ATP10D: variants seen among roughly 807,000 people sequenced by gnomAD.
ATP10D encodes the protein ATPase phospholipid transporting 10D (putative), also known as phospholipid-transporting ATPase VD.
In ATP10D, 89 loss-of-function variants were observed where a neutral mutation model predicts 144.8. The observed-to-expected ratio is 0.61, with a 90% CI of 0.52 to 0.73. ATP10D has a LOEUF of 0.73. Ranked by LOEUF, ATP10D falls within the 30% of genes least tolerant of loss-of-function variation. ATP10D has a pLI of 0.00. For missense variants in ATP10D, 1,603 were observed against 1,714.8 expected, an observed-to-expected ratio of 0.93 and a Z score of 1.15; for synonymous variants, 571 against 615.1, an observed-to-expected ratio of 0.93 and a Z score of 1.06.
intron 21 of ATP10D, among the ~76,000 whole-genome samples, chr4:47,585,760 G>A (rs994167012): frequency 6.7e-6 from 1 of 150,050 alleles, no homozygotes; most frequent in Admixed American, 6.6e-5. Flanking sequence ...GTCTTTCTGT[G>A]CCTGCCTTAT....
chr4:47,588,888 A>C (rs140065441), intron 22 of ATP10D, among the ~76,000 whole-genome samples: 147 of 152,322 alleles, frequency 9.7e-4, no homozygotes, highest in African/African-American at 3.4e-3. Context: ...GTATGCTAAA[A>C]AATGACTCCC....
At chr4:47,523,351 T>G in intron 4 of ATP10D, 135 bp downstream of exon 4, 1 of 736,594 alleles carries the variant, frequency 1.4e-6, no homozygotes, top group South Asian at 1.8e-5. Flanking sequence ...GAAGGTTTCA[T>G]TCACTTCCAG....
rs1022160786 is a variant in ATP10D, at chr4:47,536,826, T to C, written c.1284T>C (p.Asp428=). 4 of 1,613,186 alleles carry C rather than the reference T, an allele frequency of 2.5e-6. No homozygotes were observed. The highest frequency in any genetic ancestry group is 2.7e-5 in the African/African-American group (2 of 74,864). ...GCCGAGCCCTGAACATCGCCGAGGA[T>C]CTGGGACAGATTCAGTACCTCTTTT... ...VQCRALNIAE[D]LGQIQYLFSD... Residue 428 remains aspartate, a synonymous_variant, in exon 9 of 23, where the codon GAT becomes GAC. Coordinates refer to ENST00000273859, the MANE Select transcript of ATP10D (RefSeq NM_020453.4).
intron 5 of ATP10D, among the ~76,000 whole-genome samples, chr4:47,529,099 AC>A (rs1187699486): frequency 6.6e-6 from 1 of 151,618 alleles, no homozygotes; most frequent in Non-Finnish European, 1.5e-5. Context: ...TTGTCTGTTT[AC>A]TCTCTTGATT....
At chr4:47,491,540 C>T in intron 1 of ATP10D, 1 of 462,862 alleles carries the variant, frequency 2.2e-6, no homozygotes, top group Non-Finnish European at 3.9e-6. Flanking sequence ...TATCATATCA[C>T]AGTCTTCTCA....
intron 5 of ATP10D, among the ~76,000 whole-genome samples, chr4:47,532,934 G>A (rs1487853510): frequency 6.6e-6 from 1 of 152,156 alleles, no homozygotes; most frequent in East Asian, 1.9e-4. Flanking sequence ...GAAGCTGTAT[G>A]TGACAGCCAG....
At position 47,558,150 on chromosome 4, in the gene ATP10D, C is replaced by T. The variant is rs1012032831; in HGVS notation, c.2311C>T (p.Pro771Ser). 3 of 1,614,068 alleles carry T rather than the reference C, an allele frequency of 1.9e-6. No individual in the cohort carries two copies. Among genetic ancestry groups the T allele is most frequent in the African/African-American group, 2.7e-5 (2 of 74,918 alleles). Residue 771 changes from proline to serine, a missense_variant, in exon 12 of 23, where the codon CCC becomes TCC. Transcript: ENST00000273859. ...PLTFQLLHILPFDSVRKRMSV... is the reference protein window; with the variant it reads ...PLTFQLLHILSFDSVRKRMSV... ...AACATTTCAACTCCTACACATCCTG[C>T]CCTTTGACTCAGTAAGAAAAAGAAT...
At chr4:47,529,856 C>T (rs1001154062) in intron 5 of ATP10D, among the ~76,000 whole-genome samples, 2 of 152,048 alleles carry the variant, frequency 1.3e-5, no homozygotes, top group Non-Finnish European at 1.5e-5. Context: ...AGATCTTTCA[C>T]CTCCTTGGTT....
At chr4:47,573,048 T>C (rs1720048878) in intron 18 of ATP10D, 51 bp downstream of exon 18, 2 of 1,594,304 alleles carry the variant, frequency 1.3e-6, no homozygotes, top group Admixed American at 1.7e-5. Context: ...CTTCCAAGAC[T>C]GTTGCATCAG....
chr4:47,519,993 G>A (rs1470954170), intron 3 of ATP10D, among the ~76,000 whole-genome samples: 3 of 152,176 alleles, frequency 2.0e-5, no homozygotes, highest in Admixed American at 1.3e-4. Flanking sequence ...TTAAATCTTG[G>A]TACATGCTAC....
At chr4:47,564,420 CCTGGTA>C (rs1170681503) in intron 15 of ATP10D, among the ~76,000 whole-genome samples, 2 of 151,826 alleles carry the variant, frequency 1.3e-5, no homozygotes, top group African/African-American at 4.8e-5. Flanking sequence ...TATATCAAGT[CCTGGTA>C]CAGGAATCTA....
At chr4:47,549,133 T>C (rs1577673243) in intron 10 of ATP10D, among the ~76,000 whole-genome samples, 1 of 152,240 alleles carries the variant, frequency 6.6e-6, no homozygotes, top group Admixed American at 6.5e-5. Flanking sequence ...ATTTTAGAAA[T>C]AGAAACCTCT....
At chr4:47,542,546 T>G (rs778594537) in intron 9 of ATP10D, among the ~76,000 whole-genome samples, 7 of 152,202 alleles carry the variant, frequency 4.6e-5, no homozygotes, top group Non-Finnish European at 1.0e-4. Flanking sequence ...GGTGCGATCT[T>G]GGCTCACTGC....
intron 16 of ATP10D, among the ~76,000 whole-genome samples, chr4:47,569,912 G>A (rs193024276): frequency 2.6e-4 from 40 of 152,220 alleles, no homozygotes; most frequent in Middle Eastern, 3.4e-3. Flanking sequence ...TTGGTGTGTC[G>A]GAGGACAAAG....
chr4:47,557,935 A>G lies in ATP10D; in HGVS notation c.2096A>G (p.His699Arg), dbSNP rs968849661. The G allele has an allele frequency of 1.9e-5, 30 of 1,614,060 alleles. No homozygotes were observed. The highest frequency in any genetic ancestry group is 3.3e-5 in the Admixed American group (2 of 60,002). Residue 699 changes from histidine to arginine, a missense_variant, in exon 12 of 23, where the codon CAC (histidine) becomes CGC (arginine). Physicochemically the swap from His to Arg is conservative, Grantham distance 29. Transcript: ENST00000273859. ...TGCTGCACAGAAACAGAGAAACAAC[A>G]CGGTGATGCAGGCCTCCTGAATGGC... Reference protein sequence around the residue: ...SACCTETEKQHGDAGLLNGKA... With the variant: ...SACCTETEKQRGDAGLLNGKA...
chr4:47,550,598 G>A (rs1397499890), intron 10 of ATP10D, among the ~76,000 whole-genome samples: 2 of 152,104 alleles, frequency 1.3e-5, no homozygotes, highest in African/African-American at 4.8e-5. Flanking sequence ...CTGACCTGGG[G>A]TTCTTGGCCT....
chr4:47,534,158 T>C (rs1290577275), intron 5 of ATP10D, among the ~76,000 whole-genome samples: 1 of 152,154 alleles, frequency 6.6e-6, no homozygotes, highest in Non-Finnish European at 1.5e-5. Flanking sequence ...TTGAGGTGAC[T>C]TCCCCCTCCT....
At chr4:47,504,392 T>A (rs1715901790) in intron 1 of ATP10D, among the ~76,000 whole-genome samples, 1 of 152,170 alleles carries the variant, frequency 6.6e-6, no homozygotes, top group Admixed American at 6.6e-5. Flanking sequence ...ATCTTGATGC[T>A]TTTGTCATGA....
intron 10 of ATP10D, among the ~76,000 whole-genome samples, chr4:47,552,566 G>A (rs766672551): frequency 6.6e-6 from 1 of 152,180 alleles, no homozygotes; most frequent in Admixed American, 6.5e-5. Flanking sequence ...TATCCCCAAA[G>A]AGCCCTACTT....
Sources: allele counts gnomAD v4.1 joint callset (sites outside exome capture counted in the v4.1 genomes callset), GRCh38; gene constraint gnomAD v4.1.1; transcripts MANE v1.5; gene names NCBI Gene and HGNC (gene_info 2026-07-23, HGNC 2026-07-21).